The following ZFHX3 variants were observed in gnomAD, a reference collection of about 807,000 sequenced individuals.
The protein encoded by ZFHX3 is zinc finger homeobox 3.
ZFHX3 carries 42 observed loss-of-function variants against 279.1 expected under a neutral mutation model. The observed-to-expected ratio is 0.15, with a 90% CI of 0.12 to 0.19. ZFHX3 has a LOEUF of 0.19. Among genes scored for constraint, ZFHX3 ranks in the 10% least tolerant of loss-of-function variants. The probability of loss-of-function intolerance (pLI) is 1.00; values close to 1 mark genes in which losing one functional copy is unlikely to be tolerated. For missense variants in ZFHX3, 4,981 were observed against 4,754.0 expected, an observed-to-expected ratio of 1.05 and a Z score of -1.40; for synonymous variants, 2,293 against 1,957.8, an observed-to-expected ratio of 1.17 and a Z score of -4.52.
At chr16:73,682,912 GAA>G (rs1567550579) in intron 1 of ZFHX3, among the ~76,000 whole-genome samples, 5 of 19,476 alleles carry the variant, frequency 2.6e-4, no homozygotes, top group African/African-American at 2.7e-4. Flanking sequence ...GAAAGAGAAA[GAA>G]AGAGAGAAAG....
intron 5 of ZFHX3, among the ~76,000 whole-genome samples, chr16:72,823,366 G>T (rs969075510): frequency 2.0e-5 from 3 of 152,294 alleles, no homozygotes; most frequent in South Asian, 2.1e-4. Context: ...TATGGTGGTG[G>T]TGTTGAATGG....
At position 72,793,890 on chromosome 16, in the gene ZFHX3, C is replaced by T; in HGVS notation, c.8792G>A (p.Ser2931Asn). ...ADPCSPSPGA[S>N]GSAGKSGDSG... is the part of the protein sequence containing the mutation. ...GTCACCAGATTTGCCTGCAGATCCA[C>T]TCGCACCAGGACTCGGGGAGCAGGG... The change falls in exon 9 of 10, where the codon AGT (serine) becomes AAT (asparagine). Residue 2931 changes from serine (S) to asparagine (N), a missense_variant. Coordinates refer to ENST00000268489, the MANE Select transcript of ZFHX3 (RefSeq NM_006885.4). This position sits in a 1 kb window ranked among gnomAD's most constrained non-coding sequence, Gnocchi z 4.3. The T allele has an allele frequency of 6.2e-7, 1 of 1,614,212 alleles. No individual in the cohort carries two copies. The highest frequency in any genetic ancestry group is 8.5e-7 in the Non-Finnish European group (1 of 1,180,038).
chr16:73,319,115 G>C lies in ZFHX3; in HGVS notation c.-1290-779C>G, dbSNP rs570720793. On this transcript the variant is annotated intron_variant, in intron 3 of 17. Transcript: ENST00000641206. ...GGAGGGGAGGGGAGGTGTGGAATGG[G>C]GGGGGCAGAGGACGCACAAGGACCG... Among the ~76,000 whole-genome samples, 559 of 152,042 alleles carry C rather than the reference G, an allele frequency of 3.7e-3. 4 individuals carry two copies. The highest frequency in any genetic ancestry group is 0.013 in the African/African-American group (520 of 41,446).
intron 4 of ZFHX3, among the ~76,000 whole-genome samples, chr16:73,278,954 G>A (rs917097017): frequency 2.0e-5 from 3 of 152,232 alleles, no homozygotes; most frequent in African/African-American, 7.2e-5. Flanking sequence ...CTCAGCAGGA[G>A]TGCTTCAAAA....
At chr16:73,091,074 G>A (rs986118729) in intron 8 of ZFHX3, among the ~76,000 whole-genome samples, 1 of 151,922 alleles carries the variant, frequency 6.6e-6, no homozygotes. Flanking sequence ...AACCAGGCAT[G>A]GTGGCGGGTG....
At position 73,614,197 on chromosome 16, in the gene ZFHX3, T is replaced by C. The variant is rs146487624; in HGVS notation, c.-1547+65983A>G. On this transcript the variant is annotated intron_variant, in intron 2 of 17. Transcript: ENST00000641206. ...CAGCAACATTTCACACGTGAACGTA[T>C]GTGATGTGTACGGGGCAAAAGTGAG... Among the ~76,000 whole-genome samples, 312 of 152,308 alleles carry C rather than the reference T, an allele frequency of 2.0e-3. 1 individual carries two copies. Among genetic ancestry groups the C allele is most frequent in the Non-Finnish European group, 3.4e-3 (230 of 68,022 alleles).
Position 72,994,284 on chromosome 16 carries a change from G to A in ZFHX3, c.-49-34090C>T, listed in dbSNP as rs574250696. On this transcript the variant is annotated intron_variant, in intron 1 of 9. Transcript: ENST00000268489. ...TTTAACATTGTAAATGAATATTTAA[G>A]ACTCAGCATTCACTTAGACATGCAA... Among the ~76,000 whole-genome samples the A allele has an allele frequency of 1.6e-4, 24 of 152,260 alleles. No individual in the cohort carries two copies. The South Asian group carries it at 2.9e-3, about 18-fold the overall frequency.
At chr16:73,789,098 A>T (rs1247309662) in intron 1 of ZFHX3, among the ~76,000 whole-genome samples, 1 of 151,278 alleles carries the variant, frequency 6.6e-6, no homozygotes, top group Non-Finnish European at 1.5e-5. Context: ...CAACATATAC[A>T]GATATCTTGT....
At chr16:73,002,599 G>C (rs1054871614) in intron 1 of ZFHX3, among the ~76,000 whole-genome samples, 2 of 152,146 alleles carry the variant, frequency 1.3e-5, no homozygotes, top group Non-Finnish European at 2.9e-5. Flanking sequence ...CAAGGCGATT[G>C]ATTCCACAAG....
rs114669124 is a variant in ZFHX3, at chr16:73,024,951, G to A, written c.-50+22801C>T. The stretch of plus-strand genomic sequence containing the variant: ...TCTACTCCCCAACACAATACCCCTC[G>A]GCCTTGACTGCCCCTTAGACACCGC... On this transcript the variant is annotated intron_variant, in intron 1 of 9. Transcript: ENST00000268489. Among the ~76,000 whole-genome samples, 424 of 152,210 alleles carry A rather than the reference G, an allele frequency of 2.8e-3. 3 individuals carry two copies. Among genetic ancestry groups the A allele is most frequent in the African/African-American group, 9.9e-3 (411 of 41,542 alleles).
chr16:73,507,485 C>CT (rs752001880), intron 2 of ZFHX3, among the ~76,000 whole-genome samples: 2,430 of 79,736 alleles, frequency 0.03, 321 homozygotes, highest in African/African-American at 0.044. Context: ...AGCTCTGCCA[C>CT]TTTTTTTTTT....
At chr16:72,850,747 TG>T (rs750711245) in intron 4 of ZFHX3, among the ~76,000 whole-genome samples, 9 of 152,146 alleles carry the variant, frequency 5.9e-5, no homozygotes, top group Non-Finnish European at 1.0e-4. Context: ...TTGCCCCAGA[TG>T]GGAGCAGCTT....
chr16:73,513,150 G>A (rs982817685), intron 2 of ZFHX3, among the ~76,000 whole-genome samples: 2 of 152,202 alleles, frequency 1.3e-5, no homozygotes, highest in African/African-American at 2.4e-5. Context: ...TGAAAAGCAT[G>A]TTCTGATGGG....
intron 4 of ZFHX3, among the ~76,000 whole-genome samples, chr16:73,276,832 A>T (rs2014314662): frequency 6.6e-6 from 1 of 152,216 alleles, no homozygotes; most frequent in African/African-American, 2.4e-5. Flanking sequence ...AGGGGAAAGG[A>T]TGTTTGCGGA....
chr16:73,804,225 G>A (rs1274277385), intron 1 of ZFHX3, among the ~76,000 whole-genome samples: 1 of 152,142 alleles, frequency 6.6e-6, no homozygotes, highest in East Asian at 1.9e-4. Context: ...GAGGAAGAGT[G>A]GAACATTAGT....
Position 72,787,037 on chromosome 16 carries a change from T to TTG in ZFHX3, c.*126_*127insCA. ...AAACAACCCACGCTTTTTCTTTTTT[T>TTG]TCTTTTTTTTTTTTTTTTTGTTTTT... On this transcript the variant is annotated 3_prime_UTR_variant, in exon 10 of 10. Coordinates refer to ENST00000268489, the MANE Select transcript of ZFHX3 (RefSeq NM_006885.4). 9.1e-7 allele frequency: 1 copy of TTG among 1,093,382 alleles called. No homozygotes were observed. Among genetic ancestry groups the TTG allele is most frequent in the Non-Finnish European group, 1.2e-6 (1 of 846,360 alleles). 67.7% of individuals were successfully genotyped at this position (1,093,382 alleles called of 1,614,324 possible).
intron 2 of ZFHX3, among the ~76,000 whole-genome samples, chr16:73,615,524 G>C (rs1364521465): frequency 6.6e-6 from 1 of 152,168 alleles, no homozygotes; most frequent in Admixed American, 6.5e-5. Flanking sequence ...AAGTGACTTG[G>C]GATCCAGTGC....
At chr16:72,988,666 G>C (rs1029222988) in intron 1 of ZFHX3, among the ~76,000 whole-genome samples, 1 of 152,146 alleles carries the variant, frequency 6.6e-6, no homozygotes, top group Non-Finnish European at 1.5e-5. Flanking sequence ...TATAAAGGCA[G>C]GTATCATGTA....
intron 3 of ZFHX3, among the ~76,000 whole-genome samples, chr16:73,447,539 C>T (rs1311204015): frequency 6.6e-6 from 1 of 152,172 alleles, no homozygotes; most frequent in Non-Finnish European, 1.5e-5. Flanking sequence ...AGCTCTCTAC[C>T]TCTTGCTAGA....
Sources: allele counts gnomAD v4.1 joint callset (sites outside exome capture counted in the v4.1 genomes callset), GRCh38; gene constraint gnomAD v4.1.1; non-coding constraint Gnocchi (gnomAD v3.1); transcripts MANE v1.5; gene names NCBI Gene and HGNC (gene_info 2026-07-23, HGNC 2026-07-21).